ERBB4: variants seen among roughly 807,000 people sequenced by gnomAD.
The protein encoded by ERBB4 is erb-b2 receptor tyrosine kinase 4, also known as receptor tyrosine-protein kinase erbB-4.
In ERBB4, 42 loss-of-function variants were observed where a neutral mutation model predicts 158.0. The ratio of observed to expected loss-of-function variants is 0.27; its 90% CI spans 0.21 to 0.34. The LOEUF is 0.34. Among genes scored for constraint, ERBB4 ranks in the 10% least tolerant of loss-of-function variants. The pLI is 1.00. For synonymous variants in ERBB4, 583 were observed against 558.7 expected, an observed-to-expected ratio of 1.04 and a Z score of -0.61; for missense variants, 1,333 against 1,624.1, an observed-to-expected ratio of 0.82 and a Z score of 3.08.
At chr2:212,463,241 A>G (rs914972097) in intron 1 of ERBB4, among the ~76,000 whole-genome samples, 1 of 152,078 alleles carries the variant, frequency 6.6e-6, no homozygotes. Context: ...AAAGAGCTAA[A>G]TGAGAGGATT....
At chr2:212,331,259 TAA>T (rs1179737871) in intron 1 of ERBB4, among the ~76,000 whole-genome samples, 3 of 150,766 alleles carry the variant, frequency 2.0e-5, no homozygotes, top group East Asian at 2.0e-4. Context: ...CTAATAGAAA[TAA>T]GTCATTATAA....
intron 1 of ERBB4, among the ~76,000 whole-genome samples, chr2:212,253,093 A>T (rs548136639): frequency 6.6e-6 from 1 of 152,176 alleles, no homozygotes; most frequent in African/African-American, 2.4e-5. Flanking sequence ...TCTTAGAATC[A>T]AATGTCTGTA....
intron 24 of ERBB4, 66 bp from the exon 25 acceptor site, chr2:211,420,677 C>A (rs187557443): frequency 7.4e-6 from 10 of 1,355,058 alleles, no homozygotes; most frequent in South Asian, 1.2e-5. Context: ...GTGGTCTCTG[C>A]AATAAATTTA....
intron 3 of ERBB4, among the ~76,000 whole-genome samples, chr2:211,856,430 G>C (rs1385227884): frequency 6.6e-6 from 1 of 151,130 alleles, no homozygotes; most frequent in Non-Finnish European, 1.5e-5. Flanking sequence ...CTGTCGCCCA[G>C]GCTGGAGTGC....
At chr2:212,035,615 T>C (rs1369634045) in intron 2 of ERBB4, among the ~76,000 whole-genome samples, 6 of 152,196 alleles carry the variant, frequency 3.9e-5, no homozygotes, top group South Asian at 2.1e-4. Flanking sequence ...ACATTTGCTA[T>C]TGTCTTCTAT....
chr2:212,505,074 TTTTG>T (rs1691114899), intron 1 of ERBB4, among the ~76,000 whole-genome samples: 2 of 145,706 alleles, frequency 1.4e-5, no homozygotes, highest in South Asian at 4.9e-4. Context: ...TTACTCTTGC[TTTTG>T]TTTTTGTTTC....
At chr2:211,967,077 C>T (rs1037638309) in intron 2 of ERBB4, among the ~76,000 whole-genome samples, 3 of 152,024 alleles carry the variant, frequency 2.0e-5, no homozygotes, top group East Asian at 1.9e-4. Flanking sequence ...TTACACTTAG[C>T]GTACTTAAAT....
intron 2 of ERBB4, among the ~76,000 whole-genome samples, chr2:212,002,829 C>T (rs981865732): frequency 6.6e-6 from 1 of 151,772 alleles, no homozygotes; most frequent in East Asian, 1.9e-4. Context: ...GAGGCCGAGG[C>T]GGGCGGATCA....
intron 1 of ERBB4, among the ~76,000 whole-genome samples, chr2:212,338,267 G>C (rs955401020): frequency 1.3e-5 from 2 of 151,930 alleles, no homozygotes; most frequent in African/African-American, 4.8e-5. Flanking sequence ...GATACTCTTA[G>C]TGTCTGGCGG....
chr2:212,240,920 T>C (rs1166129141), intron 1 of ERBB4, among the ~76,000 whole-genome samples: 1 of 152,100 alleles, frequency 6.6e-6, no homozygotes, highest in Non-Finnish European at 1.5e-5. Context: ...TCCTCAACCA[T>C]GGACATAGTA....
chr2:212,301,270 CCTTTT>C (rs2086611863), intron 1 of ERBB4, among the ~76,000 whole-genome samples: 1 of 151,084 alleles, frequency 6.6e-6, no homozygotes, highest in Non-Finnish European at 1.5e-5. Context: ...TTCTATTTTT[CCTTTT>C]CTTTGTTTTT....
At chr2:212,388,976 C>T (rs1267897615) in intron 1 of ERBB4, among the ~76,000 whole-genome samples, 4 of 152,102 alleles carry the variant, frequency 2.6e-5, no homozygotes, top group Admixed American at 6.6e-5. Context: ...ATATATGCTG[C>T]AATTTGTACC....
At chr2:212,468,007 G>C (rs1004257597) in intron 1 of ERBB4, among the ~76,000 whole-genome samples, 2 of 152,170 alleles carry the variant, frequency 1.3e-5, no homozygotes, top group East Asian at 3.9e-4. Flanking sequence ...TGCCCTGCTG[G>C]ATTCTGGATA....
intron 1 of ERBB4, among the ~76,000 whole-genome samples, chr2:212,486,457 G>C (rs1689986778): frequency 6.6e-6 from 1 of 152,062 alleles, no homozygotes; most frequent in African/African-American, 2.4e-5. Context: ...TTCATGTTCA[G>C]GGTAATCTGA....
At chr2:211,924,644 A>G (rs970911348) in intron 3 of ERBB4, among the ~76,000 whole-genome samples, 1 of 152,196 alleles carries the variant, frequency 6.6e-6, no homozygotes, top group Non-Finnish European at 1.5e-5. Flanking sequence ...ACACAGAATA[A>G]AAAAGGAAAA....
intron 2 of ERBB4, among the ~76,000 whole-genome samples, chr2:212,103,834 G>C (rs1575637214): frequency 2.0e-5 from 3 of 151,858 alleles, no homozygotes; most frequent in Admixed American, 2.0e-4. Context: ...GTTAAGAACT[G>C]TGAAGTATTG....
chr2:211,679,928 C>G, intron 12 of ERBB4, among the ~76,000 whole-genome samples: 1 of 152,216 alleles, frequency 6.6e-6, no homozygotes, highest in Non-Finnish European at 1.5e-5. Flanking sequence ...GATCCACTCA[C>G]CTCAGCCTCC....
At chr2:211,957,632 T>C (rs1246881383) in intron 2 of ERBB4, among the ~76,000 whole-genome samples, 1 of 152,138 alleles carries the variant, frequency 6.6e-6, no homozygotes, top group Non-Finnish European at 1.5e-5. Context: ...TTTTGAGAAG[T>C]GTATCTCTAT....
At chr2:212,401,365 T>C (rs1164122750) in intron 1 of ERBB4, among the ~76,000 whole-genome samples, 1 of 152,132 alleles carries the variant, frequency 6.6e-6, no homozygotes, top group Non-Finnish European at 1.5e-5. Flanking sequence ...AATAGAAGAT[T>C]AGCTTACTTC....
Sources: allele counts gnomAD v4.1 joint callset (sites outside exome capture counted in the v4.1 genomes callset), GRCh38; gene constraint gnomAD v4.1.1; transcripts MANE v1.5; gene names NCBI Gene and HGNC (gene_info 2026-07-23, HGNC 2026-07-21).